The following TAOK3 variants were observed in gnomAD, a reference collection of about 807,000 sequenced individuals.
The protein encoded by TAOK3 is serine/threonine-protein kinase TAO3.
TAOK3 carries 40 observed loss-of-function variants against 120.4 expected under a neutral mutation model. That is an observed-to-expected ratio of 0.33 (90% CI 0.26 to 0.43). The LOEUF is 0.43. TAOK3 is among the 20% of genes least tolerant of loss of function. TAOK3 has a pLI of 1.00. For synonymous variants in TAOK3, 355 were observed against 387.5 expected (o/e 0.92, Z 0.99); for missense variants, 821 against 1,112.1 (o/e 0.74, Z 3.72).
At chr12:118,334,582 A>C (rs2044283902) in intron 1 of TAOK3, among the ~76,000 whole-genome samples, 1 of 152,086 alleles carries the variant, frequency 6.6e-6, no homozygotes, top group South Asian at 2.1e-4. Flanking sequence ...ATACTGAAAA[A>C]TTTGTTTCGG....
chr12:118,339,275 C>CG (rs1491283045), intron 1 of TAOK3, among the ~76,000 whole-genome samples: 1 of 86,912 alleles, frequency 1.2e-5, no homozygotes, highest in Non-Finnish European at 2.0e-5. Flanking sequence ...CTTCATCATA[C>CG]TTTTTTTTTT....
intron 1 of TAOK3, among the ~76,000 whole-genome samples, chr12:118,352,108 G>A (rs113311661): frequency 7.9e-5 from 12 of 151,924 alleles, no homozygotes; most frequent in South Asian, 4.2e-4. Context: ...TCCTGACCTC[G>A]TGGTCCGCCC....
intron 1 of TAOK3, among the ~76,000 whole-genome samples, chr12:118,334,137 C>CAAAAAAAAAAAAAA (rs57605394): frequency 1.3e-5 from 1 of 77,652 alleles, no homozygotes; most frequent in Non-Finnish European, 2.9e-5. Flanking sequence ...CTCCCATCTC[C>CAAAAAAAAAAAAAA]AAAAAAAAAA....
At chr12:118,318,300 G>A in intron 1 of TAOK3, among the ~76,000 whole-genome samples, 1 of 152,072 alleles carries the variant, frequency 6.6e-6, no homozygotes, top group East Asian at 1.9e-4. Flanking sequence ...TGGGACTACA[G>A]GAACGCACCA....
chr12:118,200,499 C>G (rs2037968022), intron 12 of TAOK3: 1 of 152,168 alleles, frequency 6.6e-6, no homozygotes, highest in African/African-American at 2.4e-5. Context: ...CTGTCTCCCT[C>G]TTATCAACTC....
At chr12:118,265,136 A>C (rs1046723727) in intron 2 of TAOK3, among the ~76,000 whole-genome samples, 7 of 151,748 alleles carry the variant, frequency 4.6e-5, no homozygotes, top group African/African-American at 1.7e-4. Context: ...CACATCTGAA[A>C]TCCCAGCACT....
intron 9 of TAOK3, among the ~76,000 whole-genome samples, chr12:118,217,793 A>ATGTGTG (rs1565963277): frequency 5.9e-5 from 5 of 85,060 alleles, no homozygotes; most frequent in African/African-American, 8.0e-5. Context: ...ATATGTATGT[A>ATGTGTG]TGTATGTGTG....
At chr12:118,257,664 AG>A (rs2041048756) in intron 2 of TAOK3, among the ~76,000 whole-genome samples, 1 of 145,750 alleles carries the variant, frequency 6.9e-6, no homozygotes, top group Non-Finnish European at 1.5e-5. Context: ...TGCTAGGAGA[AG>A]AAAAAAAAGA....
chr12:118,246,553 T>A (rs1033593801), intron 3 of TAOK3: 12 of 1,558,246 alleles, frequency 7.7e-6, no homozygotes, highest in Non-Finnish European at 1.0e-5. Context: ...GCCATCATCC[T>A]GGCCAAGCTC....
At chr12:118,224,813 G>A (rs951760875) in intron 9 of TAOK3, among the ~76,000 whole-genome samples, 7 of 152,064 alleles carry the variant, frequency 4.6e-5, no homozygotes, top group African/African-American at 1.7e-4. Context: ...CTAGATTAGG[G>A]TGTTTTTAAA....
chr12:118,312,621 A>G (rs1040525950), intron 1 of TAOK3, among the ~76,000 whole-genome samples: 4 of 152,226 alleles, frequency 2.6e-5, no homozygotes, highest in African/African-American at 4.8e-5. Flanking sequence ...AAAATCCACA[A>G]AACAGCTTAT....
chr12:118,236,353 A>G (rs1392260147), intron 7 of TAOK3: 1 of 152,234 alleles, frequency 6.6e-6, no homozygotes, highest in African/African-American at 2.4e-5. Context: ...GTATTACTAC[A>G]AAGAATTGCA....
At chr12:118,202,773 C>CTTTTTTT (rs58282262) in intron 11 of TAOK3, among the ~76,000 whole-genome samples, 53 of 100,644 alleles carry the variant, frequency 5.3e-4, no homozygotes, top group East Asian at 2.1e-3. Flanking sequence ...ATAGTCTATT[C>CTTTTTTT]TTTTTTTTTT....
At chr12:118,174,773 C>T (rs374591967) in intron 16 of TAOK3, among the ~76,000 whole-genome samples, 15 of 152,132 alleles carry the variant, frequency 9.9e-5, no homozygotes, top group East Asian at 7.7e-4. Context: ...AGCAATTTGT[C>T]CTGCCTCAAC....
chr12:118,371,471 G>A lies in TAOK3; in HGVS notation c.-194+1177C>T, dbSNP rs2045889775. ...GCAGCCAGCCCCACCAGCCCCTCCA[G>A]CTCCTCCAGCCCATGCGTTTCACTT... On this transcript the variant is annotated intron_variant, in intron 1 of 20. Coordinates refer to ENST00000392533, the MANE Select transcript of TAOK3 (RefSeq NM_016281.4). This position sits in a 1 kb window ranked among gnomAD's most constrained non-coding sequence, Gnocchi z 5.5. 6.6e-6 allele frequency among the ~76,000 whole-genome samples: 1 copy of A among 152,070 alleles called. No individual in the cohort carries two copies. The highest frequency in any genetic ancestry group is 6.5e-5 in the Admixed American group (1 of 15,270).
intron 14 of TAOK3, among the ~76,000 whole-genome samples, chr12:118,185,117 A>C (rs974632360): frequency 4.6e-5 from 7 of 152,108 alleles, no homozygotes; most frequent in African/African-American, 1.4e-4. Context: ...AAAAAAAAAA[A>C]CTAGCTGTAT....
chr12:118,243,565 A>G (rs1240239536), intron 4 of TAOK3, 49 bp from the exon 5 acceptor site: 2 of 750,566 alleles, frequency 2.7e-6, no homozygotes, highest in East Asian at 6.1e-5. Context: ...TGATAGGAAA[A>G]TAGTATTTCC....
chr12:118,217,127 C>T (rs965010130), intron 9 of TAOK3, among the ~76,000 whole-genome samples: 6 of 152,020 alleles, frequency 3.9e-5, no homozygotes, highest in African/African-American at 1.2e-4. Flanking sequence ...AATGACAAAT[C>T]GGGCTTATTC....
At chr12:118,301,544 G>A (rs1166653066) in intron 1 of TAOK3, among the ~76,000 whole-genome samples, 1 of 151,980 alleles carries the variant, frequency 6.6e-6, no homozygotes, top group Non-Finnish European at 1.5e-5. Flanking sequence ...CTGAAGTAAT[G>A]GTCAAAATAT....
Sources: gnomAD v4.1 joint callset for allele counts (sites outside exome capture counted in the v4.1 genomes callset) on GRCh38, gnomAD v4.1.1 for gene constraint, Gnocchi (gnomAD v3.1) non-coding constraint, MANE v1.5 for transcripts, NCBI Gene and HGNC (gene_info 2026-07-23, HGNC 2026-07-21) for gene names.